GNAQ: variants seen among roughly 807,000 people sequenced by gnomAD.
GNAQ encodes the protein G protein subunit alpha q, also known as guanine nucleotide-binding protein G(q) subunit alpha.
GNAQ carries 8 observed loss-of-function variants against 43.9 expected under a neutral mutation model. That is an observed-to-expected ratio of 0.18 (90% confidence interval 0.11 to 0.33). GNAQ has a LOEUF of 0.33. Ranked by LOEUF, GNAQ falls within the 10% of genes least tolerant of loss-of-function variation. GNAQ has a pLI of 1.00. For synonymous variants in GNAQ, 155 were observed against 170.7 expected (o/e 0.91, Z 0.71); for missense variants, 158 against 450.8 (o/e 0.35, Z 5.88).
intron 2 of GNAQ, among the ~76,000 whole-genome samples, chr9:77,821,727 GTGTGT>G (rs1827117764): frequency 1.2e-4 from 18 of 149,024 alleles, no homozygotes; most frequent in African/African-American, 3.5e-4. Context: ...TAGTATGGGT[GTGTGT>G]GTGTGTGTGT....
chr9:77,983,903 G>C (rs1225314231), intron 1 of GNAQ, among the ~76,000 whole-genome samples: 1 of 151,894 alleles, frequency 6.6e-6, no homozygotes, highest in Non-Finnish European at 1.5e-5. Context: ...GATTTACCGA[G>C]ATCCTACTGT....
intron 2 of GNAQ, among the ~76,000 whole-genome samples, chr9:77,819,447 T>C (rs182080193): frequency 6.6e-6 from 1 of 152,246 alleles, no homozygotes; most frequent in Admixed American, 6.5e-5. Flanking sequence ...AAAGACCTCA[T>C]AGTCACTTTG....
At chr9:77,808,941 C>G (rs1826871876) in intron 3 of GNAQ, among the ~76,000 whole-genome samples, 1 of 151,992 alleles carries the variant, frequency 6.6e-6, no homozygotes, top group Admixed American at 6.5e-5. Flanking sequence ...ATGGCCAAAC[C>G]AATATACCCT....
chr9:77,745,408 GGAA>G (rs1825713933), intron 5 of GNAQ, among the ~76,000 whole-genome samples: 1 of 151,902 alleles, frequency 6.6e-6, no homozygotes, highest in South Asian at 2.1e-4. Flanking sequence ...GTAGGGAAGG[GGAA>G]GAAGTAAACA....
intron 3 of GNAQ, among the ~76,000 whole-genome samples, chr9:77,807,929 T>C (rs1453709543): frequency 1.3e-5 from 2 of 152,160 alleles, no homozygotes; most frequent in African/African-American, 2.4e-5. Context: ...CAAACGAACA[T>C]GGCTATGTTC....
intron 5 of GNAQ, among the ~76,000 whole-genome samples, chr9:77,765,405 A>G (rs1251953556): frequency 2.0e-5 from 3 of 152,216 alleles, no homozygotes; most frequent in African/African-American, 4.8e-5. Context: ...GACTCCTACA[A>G]CTCAATAACA....
chr9:77,953,515 AGGCAAGCCTT>A (rs1337493068), intron 1 of GNAQ, among the ~76,000 whole-genome samples: 2 of 152,166 alleles, frequency 1.3e-5, no homozygotes, highest in African/African-American at 2.4e-5. Flanking sequence ...AATCTAATGA[AGGCAAGCCTT>A]GCAGTATACA....
rs79488130 is a variant in GNAQ, at chr9:77,866,540, T to C, written c.322-50770A>G. ...TCTTGTCAGTCTTTACCAAAAGCTA[T>C]AGCTGAGTAAATTACCAAATTATCA... On this transcript the variant is annotated intron_variant, in intron 2 of 6. Coordinates refer to ENST00000286548, the MANE Select transcript of GNAQ (RefSeq NM_002072.5). Among the ~76,000 whole-genome samples the C allele has an allele frequency of 5.0e-3, 768 of 152,382 alleles. 6 individuals are homozygous for C. Among genetic ancestry groups the C allele is most frequent in the African/African-American group, 0.017 (708 of 41,594 alleles).
intron 3 of GNAQ, among the ~76,000 whole-genome samples, chr9:77,797,933 C>A (rs1826682887): frequency 1.3e-5 from 2 of 152,184 alleles, no homozygotes; most frequent in Non-Finnish European, 2.9e-5. Context: ...AAAAGAAATT[C>A]AAATTAGTTT....
chr9:77,984,202 C>T (rs1321029394), intron 1 of GNAQ, among the ~76,000 whole-genome samples: 1 of 149,646 alleles, frequency 6.7e-6, no homozygotes, highest in African/African-American at 2.5e-5. Context: ...GACAGGGCCT[C>T]ACTGTCACCC....
intron 5 of GNAQ, among the ~76,000 whole-genome samples, chr9:77,781,185 T>C (rs1189309862): frequency 2.6e-5 from 4 of 152,066 alleles, no homozygotes; most frequent in Admixed American, 1.3e-4. Context: ...CAGACCTATG[T>C]CCTGATGTTT....
intron 5 of GNAQ, among the ~76,000 whole-genome samples, chr9:77,750,020 A>G (rs1035507130): frequency 1.3e-5 from 2 of 152,124 alleles, no homozygotes; most frequent in Non-Finnish European, 2.9e-5. Context: ...GATTGGGCTA[A>G]AAAGTCTCTG....
rs181522555 is a variant in GNAQ, at chr9:77,784,512, G to A, written c.735+9951C>T. Among the ~76,000 whole-genome samples, 6 of 152,166 alleles carry A rather than the reference G, an allele frequency of 3.9e-5. 1 individual carries two copies. The highest frequency in any genetic ancestry group is 1.3e-4 in the Admixed American group (2 of 15,282). On this transcript the variant is annotated intron_variant, in intron 5 of 6. Transcript: ENST00000286548. ...TCAGAATTGACAAACTTTATAAAACGTGAAACTATGCAGATAATATAATTG... is the reference window on the plus strand; with the variant it reads ...TCAGAATTGACAAACTTTATAAAACATGAAACTATGCAGATAATATAATTG...
intron 5 of GNAQ, among the ~76,000 whole-genome samples, chr9:77,764,883 C>G (rs569826419): frequency 6.6e-6 from 1 of 152,314 alleles, no homozygotes; most frequent in East Asian, 1.9e-4. Flanking sequence ...CATTTGCCCT[C>G]ACTGGATCAC....
At chr9:77,900,289 A>G (rs572863735) in intron 2 of GNAQ, among the ~76,000 whole-genome samples, 3 of 152,334 alleles carry the variant, frequency 2.0e-5, no homozygotes, top group Non-Finnish European at 4.4e-5. Context: ...ACACAGTCAA[A>G]AAAGATCCTT....
chr9:77,900,469 C>G (rs1027112027), intron 2 of GNAQ, among the ~76,000 whole-genome samples: 10 of 152,132 alleles, frequency 6.6e-5, no homozygotes, highest in African/African-American at 2.2e-4. Context: ...GTAAGGCAGG[C>G]TGATAATATC....
intron 2 of GNAQ, among the ~76,000 whole-genome samples, chr9:77,912,409 G>C (rs1209385292): frequency 1.3e-5 from 2 of 152,116 alleles, no homozygotes; most frequent in East Asian, 1.9e-4. Context: ...ACCTGAAATG[G>C]ATTTTAGATC....
intron 1 of GNAQ, among the ~76,000 whole-genome samples, chr9:78,008,597 T>C (rs1823734704): frequency 6.6e-6 from 1 of 151,722 alleles, no homozygotes; most frequent in South Asian, 2.1e-4. Context: ...TTCATTTCAT[T>C]TCATTTCATT....
chr9:77,820,559 A>G (rs1376801245), intron 2 of GNAQ, among the ~76,000 whole-genome samples: 1 of 152,234 alleles, frequency 6.6e-6, no homozygotes, highest in Admixed American at 6.5e-5. Context: ...AAATTACTAC[A>G]TGACACAGCC....
Sources: allele counts gnomAD v4.1 joint callset (sites outside exome capture counted in the v4.1 genomes callset), GRCh38; gene constraint gnomAD v4.1.1; transcripts MANE v1.5; gene names NCBI Gene and HGNC (gene_info 2026-07-23, HGNC 2026-07-21).